The following ZNF385D variants were observed in gnomAD, a reference collection of about 807,000 sequenced individuals.
The protein encoded by ZNF385D is zinc finger protein 385D.
Under a neutral mutation model 35.8 loss-of-function variants are expected in ZNF385D, and 15 were observed. The ratio of observed to expected loss-of-function variants is 0.42; its 90% CI spans 0.28 to 0.64. ZNF385D has a LOEUF of 0.64. Among genes scored for constraint, ZNF385D ranks in the 30% least tolerant of loss-of-function variants. The pLI is 0.23. For missense variants in ZNF385D, 474 were observed against 494.6 expected (o/e 0.96, Z 0.39); for synonymous variants, 212 against 186.8 (o/e 1.13, Z -1.10).
intron 2 of ZNF385D, among the ~76,000 whole-genome samples, chr3:21,639,651 TACC>T (rs2065544007): frequency 6.6e-6 from 1 of 152,054 alleles, no homozygotes; most frequent in Non-Finnish European, 1.5e-5. Flanking sequence ...GCCTGCCTTA[TACC>T]ACCATGAATA....
intron 5 of ZNF385D, among the ~76,000 whole-genome samples, chr3:21,426,567 G>T (rs561659937): frequency 2.6e-4 from 40 of 151,716 alleles, no homozygotes; most frequent in Admixed American, 2.0e-3. Flanking sequence ...TTTTCACTTG[G>T]TCATGTGTTT....
chr3:21,420,616 C>A lies in ZNF385D; in HGVS notation c.*598G>T, dbSNP rs753236175. 3.9e-5 allele frequency: 6 copies of A among 152,194 alleles called. No homozygotes were observed. The highest frequency in any genetic ancestry group is 8.8e-5 in the Non-Finnish European group (6 of 68,112). The allele number at this position is 152,194 out of a possible 1,614,324, so 9.4% of individuals were successfully genotyped here. On this transcript the variant is annotated 3_prime_UTR_variant, in exon 8 of 8. Coordinates refer to ENST00000281523, the MANE Select transcript of ZNF385D (RefSeq NM_024697.3). The stretch of plus-strand genomic sequence containing the variant: ...GGTATGAAATAGTTGTTCATTCTAC[C>A]TTTGCAATTCTTTAAAACCTAGTGG...
intron 3 of ZNF385D, among the ~76,000 whole-genome samples, chr3:21,896,079 G>A (rs938881228): frequency 2.0e-5 from 3 of 152,052 alleles, no homozygotes; most frequent in African/African-American, 7.2e-5. Context: ...TTCGACATTT[G>A]GAATTAATGA....
At chr3:21,451,385 T>C (rs933152456) in intron 4 of ZNF385D, among the ~76,000 whole-genome samples, 4 of 152,124 alleles carry the variant, frequency 2.6e-5, no homozygotes, top group Non-Finnish European at 4.4e-5. Flanking sequence ...AAGATGTATG[T>C]TACATAGCAC....
At position 22,014,473 on chromosome 3, in the gene ZNF385D, G is replaced by T. The variant is rs373351003; in HGVS notation, c.325+154344C>A. Among the ~76,000 whole-genome samples, 257 of 152,224 alleles carry T rather than the reference G, an allele frequency of 1.7e-3. 3 individuals carry two copies. In the South Asian group the frequency reaches 0.021, roughly 12 times the overall value. ...ACCAATCTCATTTGTAACATGGAAT[G>T]CTCATCAAACAAAACACAAACTACC... On this transcript the variant is annotated intron_variant, in intron 3 of 5. Coordinates refer to the ZNF385D transcript ENST00000494108.
chr3:21,936,932 T>C (rs1336497445), intron 3 of ZNF385D, among the ~76,000 whole-genome samples: 1 of 152,150 alleles, frequency 6.6e-6, no homozygotes, highest in East Asian at 1.9e-4. Context: ...CCCTTCCAAG[T>C]GGTTCAACTT....
At chr3:21,704,385 A>C (rs6784935) in intron 1 of ZNF385D, among the ~76,000 whole-genome samples, 90,347 of 151,862 alleles carry the variant, frequency 0.59, 27,562 homozygotes, top group Non-Finnish European at 0.66. Flanking sequence ...CCGAGCACAC[A>C]TTCCTGTAGT....
chr3:22,035,968 G>A (rs1698290798), intron 3 of ZNF385D, among the ~76,000 whole-genome samples: 1 of 151,972 alleles, frequency 6.6e-6, no homozygotes, highest in African/African-American at 2.4e-5. Flanking sequence ...GTTAAAAAGA[G>A]AAAAGCAGAA....
At chr3:21,694,082 C>T (rs1381009734) in intron 1 of ZNF385D, among the ~76,000 whole-genome samples, 3 of 81,192 alleles carry the variant, frequency 3.7e-5, no homozygotes, top group Non-Finnish European at 4.9e-5. Flanking sequence ...CTCGCTCTGT[C>T]GCCCAGGCCG....
intron 2 of ZNF385D, among the ~76,000 whole-genome samples, chr3:22,258,255 G>A (rs1700416735): frequency 6.6e-6 from 1 of 151,614 alleles, no homozygotes; most frequent in Non-Finnish European, 1.5e-5. Context: ...TTAAATGTTA[G>A]AGCTAACATT....
intron 3 of ZNF385D, among the ~76,000 whole-genome samples, chr3:22,065,425 T>C (rs1368063164): frequency 6.6e-6 from 1 of 152,124 alleles, no homozygotes; most frequent in African/African-American, 2.4e-5. Context: ...ACACACAAGA[T>C]GGAAGGCAGC....
At chr3:21,713,763 C>G (rs974642141) in intron 1 of ZNF385D, among the ~76,000 whole-genome samples, 6 of 152,160 alleles carry the variant, frequency 3.9e-5, no homozygotes, top group African/African-American at 1.4e-4. Flanking sequence ...CCCATACCAC[C>G]CAGTCCCACA....
chr3:22,122,819 G>A (rs1351133855), intron 3 of ZNF385D, among the ~76,000 whole-genome samples: 1 of 152,114 alleles, frequency 6.6e-6, no homozygotes, highest in Non-Finnish European at 1.5e-5. Flanking sequence ...TTAAACAGAG[G>A]CAACATCAAA....
intron 2 of ZNF385D, among the ~76,000 whole-genome samples, chr3:22,234,642 A>C (rs959630516): frequency 2.6e-5 from 4 of 152,062 alleles, no homozygotes; most frequent in Non-Finnish European, 2.9e-5. Context: ...TGTTTACTTA[A>C]GGGATATATT....
intron 4 of ZNF385D, among the ~76,000 whole-genome samples, chr3:21,471,291 TCTCTCA>T (rs1156837265): frequency 4.9e-4 from 11 of 22,388 alleles, no homozygotes; most frequent in African/African-American, 1.3e-3. Flanking sequence ...TCTCTCTCTC[TCTCTCA>T]CACACACACA....
At chr3:21,661,016 C>T (rs144597416) in intron 2 of ZNF385D, among the ~76,000 whole-genome samples, 175 of 152,228 alleles carry the variant, frequency 1.1e-3, no homozygotes, top group African/African-American at 3.3e-3. Flanking sequence ...TTAGACGCCA[C>T]TGAAAAGAAA....
intron 1 of ZNF385D, among the ~76,000 whole-genome samples, chr3:21,737,860 A>G (rs182483554): frequency 5.6e-4 from 85 of 152,342 alleles, no homozygotes; most frequent in Non-Finnish European, 8.8e-4. Flanking sequence ...TTGGAAGAGT[A>G]TGGTTCTTCT....
intron 3 of ZNF385D, among the ~76,000 whole-genome samples, chr3:22,067,642 C>A (rs1240810798): frequency 2.0e-5 from 3 of 152,118 alleles, no homozygotes; most frequent in Non-Finnish European, 4.4e-5. Context: ...ACAAACAAAT[C>A]AACTTTTTAA....
At chr3:21,538,154 G>C (rs1003904901) in intron 3 of ZNF385D, among the ~76,000 whole-genome samples, 1 of 152,068 alleles carries the variant, frequency 6.6e-6, no homozygotes, top group South Asian at 2.1e-4. Context: ...TTGGAGGACT[G>C]AGATGCGGCC....
Sources: gnomAD v4.1 joint callset for allele counts (sites outside exome capture counted in the v4.1 genomes callset) on GRCh38, gnomAD v4.1.1 for gene constraint, MANE v1.5 for transcripts, NCBI Gene and HGNC (gene_info 2026-07-23, HGNC 2026-07-21) for gene names.